SAMD3: variants seen among roughly 807,000 people sequenced by gnomAD.
SAMD3 encodes sterile alpha motif domain-containing protein 3.
Under a neutral mutation model 58.5 loss-of-function variants are expected in SAMD3, and 63 were observed. That is an observed-to-expected ratio of 1.08 (90% CI 0.88 to 1.33). The LOEUF is 1.33. Among genes scored for constraint, SAMD3 ranks in the 40% most tolerant of loss-of-function variants. The pLI is 0.00. For missense variants in SAMD3, 604 were observed against 608.4 expected (o/e 0.99, Z 0.08); for synonymous variants, 220 against 210.3 (o/e 1.05, Z -0.40).
At position 130,209,519 on chromosome 6, in the gene SAMD3, A is replaced by G; in HGVS notation, c.359T>C (p.Ile120Thr). 1 of 1,611,730 alleles carries G rather than the reference A, an allele frequency of 6.2e-7. No homozygotes were observed. Among genetic ancestry groups the G allele is most frequent in the Non-Finnish European group, 8.5e-7 (1 of 1,177,862 alleles). ...CCTCTGTTTCAATACTCTTTGGTCA[A>G]TTAGTCCATTATCAAGGTTTTCAGC... is the stretch of plus-strand genomic sequence containing the variant. ...YPAENLDNGL[I>T]DQRVLKQRRN... Residue 120 changes from isoleucine (I) to threonine (T), a missense_variant, in exon 5 of 12, where the codon ATT becomes ACT. Ile to Thr is a moderately conservative substitution (Grantham distance 89, BLOSUM62 -1). Coordinates refer to ENST00000439090, the MANE Select transcript of SAMD3 (RefSeq NM_001017373.4).
intron 9 of SAMD3, among the ~76,000 whole-genome samples, chr6:130,151,159 C>T (rs1262566481): frequency 6.6e-6 from 1 of 152,176 alleles, no homozygotes; most frequent in Non-Finnish European, 1.5e-5. Flanking sequence ...ACTTTAATCT[C>T]TTCCTGTGCA....
At chr6:130,333,305 A>G (rs1252818229) in intron 1 of SAMD3, among the ~76,000 whole-genome samples, 1 of 152,222 alleles carries the variant, frequency 6.6e-6, no homozygotes, top group African/African-American at 2.4e-5. Flanking sequence ...TAATAAAGCA[A>G]AGACTGATAC....
chr6:130,210,545 G>A (rs373822344), intron 4 of SAMD3, among the ~76,000 whole-genome samples: 331 of 151,100 alleles, frequency 2.2e-3, no homozygotes, highest in African/African-American at 7.4e-3. Flanking sequence ...GTTGCAGTGA[G>A]CTGAAATCAT....
chr6:130,257,031 A>C (rs1275284542), intron 2 of SAMD3, among the ~76,000 whole-genome samples: 3 of 152,142 alleles, frequency 2.0e-5, no homozygotes, highest in Admixed American at 6.5e-5. Context: ...AGAGGCCTTA[A>C]CCCCCAATAT....
At chr6:130,229,125 A>G (rs1206754258) in intron 2 of SAMD3, among the ~76,000 whole-genome samples, 1 of 152,174 alleles carries the variant, frequency 6.6e-6, no homozygotes, top group Non-Finnish European at 1.5e-5. Context: ...CCAAGAAAGC[A>G]ATGCTGTGCT....
intron 1 of SAMD3, among the ~76,000 whole-genome samples, chr6:130,342,045 G>A (rs1199412870): frequency 1.3e-5 from 2 of 152,092 alleles, no homozygotes; most frequent in African/African-American, 4.8e-5. Flanking sequence ...TCTTAACTTT[G>A]GGTCTTTGGT....
chr6:130,352,603 G>T (rs1777710533), intron 1 of SAMD3, among the ~76,000 whole-genome samples: 1 of 152,296 alleles, frequency 6.6e-6, no homozygotes, highest in African/African-American at 2.4e-5. Flanking sequence ...GCTGCACTTA[G>T]AGTGAAGATT....
intron 8 of SAMD3, among the ~76,000 whole-genome samples, chr6:130,174,584 G>A (rs189495975): frequency 5.6e-4 from 85 of 152,322 alleles, no homozygotes; most frequent in Admixed American, 5.5e-3. Flanking sequence ...TTGGGAGCTA[G>A]CTGCAGACTG....
intron 5 of SAMD3, among the ~76,000 whole-genome samples, chr6:130,192,934 G>A (rs539391615): frequency 9.9e-5 from 15 of 151,954 alleles, no homozygotes; most frequent in East Asian, 5.8e-4. Flanking sequence ...CAATCTTGGC[G>A]CCACACTTCA....
chr6:130,272,754 G>A (rs1328340325), intron 2 of SAMD3, among the ~76,000 whole-genome samples: 1 of 152,076 alleles, frequency 6.6e-6, no homozygotes, highest in Non-Finnish European at 1.5e-5. Context: ...ATGTTGCCCA[G>A]GCTGGTCTCA....
chr6:130,350,542 A>C (rs1250700569), intron 1 of SAMD3, among the ~76,000 whole-genome samples: 1 of 152,190 alleles, frequency 6.6e-6, no homozygotes, highest in African/African-American at 2.4e-5. Flanking sequence ...TTCAAGGAGA[A>C]CTACAAACCA....
chr6:130,301,599 A>C (rs980881117), intron 2 of SAMD3, among the ~76,000 whole-genome samples: 3 of 152,184 alleles, frequency 2.0e-5, no homozygotes, highest in African/African-American at 7.2e-5. Flanking sequence ...ATTCATGTGA[A>C]ACCCCCAAAG....
intron 2 of SAMD3, among the ~76,000 whole-genome samples, chr6:130,298,948 C>T (rs946362586): frequency 6.6e-6 from 1 of 151,950 alleles, no homozygotes; most frequent in African/African-American, 2.4e-5. Context: ...ATCAGAGTAC[C>T]CACATTTATA....
intron 2 of SAMD3, among the ~76,000 whole-genome samples, chr6:130,253,229 CA>C (rs1773803668): frequency 6.6e-6 from 1 of 151,992 alleles, no homozygotes; most frequent in Non-Finnish European, 1.5e-5. Context: ...TGAAATAAGA[CA>C]AAAATAAGTG....
rs1562452834 is a variant in SAMD3 at position 130,211,275 on chromosome 6, A to ATTTTT, written c.270-1668_270-1667insAAAAA. ...ATTCTTTCAATCAATTGCCAATCAG[A>ATTTTT]ATTTTTTTTTTTTTTTTTTTTTTTC... On this transcript the variant is annotated intron_variant, in intron 4 of 11. Coordinates refer to ENST00000439090, the MANE Select transcript of SAMD3 (RefSeq NM_001017373.4). Among the ~76,000 whole-genome samples, 3 of 134,314 alleles carry ATTTTT rather than the reference A, an allele frequency of 2.2e-5. 1 individual carries two copies. Among genetic ancestry groups the ATTTTT allele is most frequent in the Non-Finnish European group, 3.1e-5 (2 of 63,814 alleles). 88.1% of individuals were successfully genotyped at this position (134,314 alleles called of 152,430 possible).
intron 1 of SAMD3, among the ~76,000 whole-genome samples, chr6:130,348,901 A>C (rs1295849852): frequency 6.6e-6 from 1 of 151,770 alleles, no homozygotes; most frequent in African/African-American, 2.4e-5. Flanking sequence ...GTGCAATCAA[A>C]CTAGAACTCA....
At chr6:130,202,918 C>T (rs117471895) in intron 5 of SAMD3, among the ~76,000 whole-genome samples, 2,718 of 152,318 alleles carry the variant, frequency 0.018, 39 homozygotes, top group Non-Finnish European at 0.027. Flanking sequence ...CCCCCTCCTC[C>T]CCCGCAGTGG....
chr6:130,351,196 C>A (rs186192032), intron 1 of SAMD3, among the ~76,000 whole-genome samples: 1 of 152,260 alleles, frequency 6.6e-6, no homozygotes, highest in African/African-American at 2.4e-5. Flanking sequence ...ACACCAAAAG[C>A]AATGGCAACA....
intron 2 of SAMD3, among the ~76,000 whole-genome samples, chr6:130,279,621 A>G (rs1450128031): frequency 2.0e-4 from 30 of 150,326 alleles, no homozygotes. Context: ...AAAAGCTGGG[A>G]TTACAGGCAC....
Sources: allele counts gnomAD v4.1 joint callset (sites outside exome capture counted in the v4.1 genomes callset), GRCh38; gene constraint gnomAD v4.1.1; transcripts MANE v1.5; gene names NCBI Gene and HGNC (gene_info 2026-07-23, HGNC 2026-07-21).